Variants in TMEM132B observed in about 807,000 individuals in gnomAD.
The protein encoded by TMEM132B is transmembrane protein 132B.
Under a neutral mutation model 90.8 loss-of-function variants are expected in TMEM132B, and 18 were observed. The observed-to-expected ratio is 0.20, with a 90% CI of 0.14 to 0.29. The LOEUF is 0.29. TMEM132B is among the 10% of genes least tolerant of loss of function. TMEM132B has a pLI of 1.00. For synonymous variants in TMEM132B, 504 were observed against 523.3 expected (o/e 0.96, Z 0.50); for missense variants, 1,096 against 1,326.8 (o/e 0.83, Z 2.70).
intron 4 of TMEM132B, among the ~76,000 whole-genome samples, chr12:125,564,127 A>G (rs1884607477): frequency 6.6e-6 from 1 of 152,266 alleles, no homozygotes; most frequent in Non-Finnish European, 1.5e-5. Context: ...CTGTGAAGAC[A>G]AAAATAGATT....
At chr12:125,494,458 C>T (rs1882466435) in intron 3 of TMEM132B, among the ~76,000 whole-genome samples, 1 of 146,442 alleles carries the variant, frequency 6.8e-6, no homozygotes, top group Non-Finnish European at 1.5e-5. Context: ...CCCCCTCCTC[C>T]CCAAAAATGG....
chr12:125,295,540 G>C (rs1483135062), intron 1 of TMEM132B, among the ~76,000 whole-genome samples: 1 of 147,520 alleles, frequency 6.8e-6, no homozygotes, highest in African/African-American at 2.5e-5. Flanking sequence ...GAGAGAGAGA[G>C]AGACAGAGAC....
chr12:125,619,210 CA>C (rs1156569124), intron 5 of TMEM132B, among the ~76,000 whole-genome samples: 3 of 152,134 alleles, frequency 2.0e-5, no homozygotes, highest in Non-Finnish European at 4.4e-5. Flanking sequence ...TCTCTGTACA[CA>C]AAAATCCAGG....
chr12:125,374,474 G>C (rs1199297163), intron 2 of TMEM132B, among the ~76,000 whole-genome samples: 1 of 151,912 alleles, frequency 6.6e-6, no homozygotes, highest in Non-Finnish European at 1.5e-5. Flanking sequence ...GAAAGTGGCT[G>C]ATTTTAACTA....
At position 125,658,272 on chromosome 12, in the gene TMEM132B, A is replaced by T. The variant is rs182274663; in HGVS notation, c.*3562A>T. ...AGTAATTTTTAACTTGCTAACTTTT[A>T]GAATGTCCACCTTTGTGCATTTTGG... On this transcript the variant is annotated 3_prime_UTR_variant, in exon 9 of 9. Transcript: ENST00000682704. 9.9e-4 allele frequency: 151 copies of T among 152,340 alleles called. 2 individuals carry two copies. Among genetic ancestry groups the T allele is most frequent in the African/African-American group, 3.5e-3 (146 of 41,580 alleles). The allele number at this position is 152,340 out of a possible 1,614,324, so 9.4% of individuals were successfully genotyped here. A position where few individuals can be genotyped will look rare whatever the true frequency, so the allele number is the denominator to read the frequency against.
chr12:125,392,362 T>G (rs1033522401), intron 2 of TMEM132B, among the ~76,000 whole-genome samples: 1 of 152,148 alleles, frequency 6.6e-6, no homozygotes, highest in African/African-American at 2.4e-5. Context: ...GGTCAGGCAC[T>G]GTGCTGTGTC....
chr12:125,566,760 C>A (rs1364095020), intron 4 of TMEM132B, among the ~76,000 whole-genome samples: 2 of 151,402 alleles, frequency 1.3e-5, no homozygotes, highest in East Asian at 1.9e-4. Flanking sequence ...CTGTGGCATG[C>A]AAGATCTAAG....
intron 1 of TMEM132B, among the ~76,000 whole-genome samples, chr12:125,340,101 A>G (rs538341591): frequency 6.6e-6 from 1 of 152,310 alleles, no homozygotes; most frequent in African/African-American, 2.4e-5. Flanking sequence ...CAGAGAGAGA[A>G]ATTATACAAA....
In TMEM132B at chr12:125,451,142, T is replaced by C. The variant is rs181038665; in HGVS notation, c.1106+35465T>C. ...TCCTGTCCTGGGGAAAAAATTGCTA[T>C]AAAGGACATTATTAGGTCAATTGAT... On this transcript the variant is annotated intron_variant, in intron 3 of 8. Transcript: ENST00000682704. Among the ~76,000 whole-genome samples the C allele has an allele frequency of 9.2e-5, 14 of 152,312 alleles. No homozygotes were observed. In the East Asian group the frequency reaches 2.7e-3, roughly 29 times the overall value.
At chr12:125,271,575 TC>T (rs149368558) in intron 1 of TMEM132B, among the ~76,000 whole-genome samples, 9,397 of 152,240 alleles carry the variant, frequency 0.062, 994 homozygotes, top group African/African-American at 0.21. Flanking sequence ...ACTTGGCTTA[TC>T]CTGAGCTATG....
chr12:125,356,900 G>A (rs1877792725), intron 2 of TMEM132B, among the ~76,000 whole-genome samples: 1 of 152,216 alleles, frequency 6.6e-6, no homozygotes, highest in South Asian at 2.1e-4. Flanking sequence ...CTCTTGCCCT[G>A]TCCTGATTTT....
At position 125,258,894 on chromosome 12, in the gene TMEM132B, A is replaced by G. The variant is rs559579542; in HGVS notation, c.67+72028A>G. Among the ~76,000 whole-genome samples, 197 of 152,328 alleles carry G rather than the reference A, an allele frequency of 1.3e-3. 1 individual carries two copies. Among genetic ancestry groups the G allele is most frequent in the Non-Finnish European group, 2.2e-3 (148 of 68,024 alleles). ...CATTTAATCTGAATACTGAATGCGG[A>G]GAAGGAGCCATCCTTGGAAAGATCC... On this transcript the variant is annotated intron_variant, in intron 1 of 8. Coordinates refer to ENST00000682704, the MANE Select transcript of TMEM132B (RefSeq NM_001366854.1).
intron 1 of TMEM132B, among the ~76,000 whole-genome samples, chr12:125,255,028 G>A (rs763982756): frequency 1.3e-5 from 2 of 152,190 alleles, no homozygotes; most frequent in Non-Finnish European, 2.9e-5. Context: ...CGAGGAGGTT[G>A]ACAGGAAGCT....
At chr12:125,322,280 G>T (rs147374034) in intron 1 of TMEM132B, among the ~76,000 whole-genome samples, 2 of 152,248 alleles carry the variant, frequency 1.3e-5, no homozygotes, top group Non-Finnish European at 2.9e-5. Flanking sequence ...CTGCCGCCAT[G>T]TAAGATGTGC....
At chr12:125,543,771 C>T (rs187026217) in intron 4 of TMEM132B, among the ~76,000 whole-genome samples, 1 of 152,298 alleles carries the variant, frequency 6.6e-6, no homozygotes, top group Non-Finnish European at 1.5e-5. Context: ...TTAGTTCAAC[C>T]ATTGTAGAAG....
At chr12:125,300,077 T>C (rs1875782474) in intron 1 of TMEM132B, among the ~76,000 whole-genome samples, 1 of 152,222 alleles carries the variant, frequency 6.6e-6, no homozygotes, top group Non-Finnish European at 1.5e-5. Context: ...GCTTGCTGCC[T>C]GCAACACCTT....
rs141088888 is a variant in TMEM132B, at chr12:125,204,903, A to G, written c.67+18037A>G. Among the ~76,000 whole-genome samples the G allele has an allele frequency of 4.7e-3, 583 of 124,420 alleles. 11 individuals are homozygous for G. The highest frequency in any genetic ancestry group is 7.2e-3 in the African/African-American group (231 of 32,108). The allele number at this position is 124,420 out of a possible 152,430, so 81.6% of individuals were successfully genotyped here. A position where few individuals can be genotyped will look rare whatever the true frequency, so the allele number is the denominator to read the frequency against. On this transcript the variant is annotated intron_variant, in intron 1 of 8. Coordinates refer to ENST00000682704, the MANE Select transcript of TMEM132B (RefSeq NM_001366854.1). Reference sequence around the variant, plus strand: ...CATGAATCCTTTCAATGAGGGCTCCATGTGCCAGGCAGGGTGCTCAGCCCT... The same window carrying G: ...CATGAATCCTTTCAATGAGGGCTCCGTGTGCCAGGCAGGGTGCTCAGCCCT...
intron 1 of TMEM132B, chr12:125,301,894 A>AAAACAAAAC (rs1238242183): frequency 1.3e-5 from 2 of 152,004 alleles, no homozygotes; most frequent in African/African-American, 4.9e-5. Flanking sequence ...AAAACAAAAC[A>AAAACAAAAC]AAACAAAACA....
rs374923861 is a variant in TMEM132B, at chr12:125,398,469, C to T, written c.960-17062C>T. 4.6e-5 allele frequency among the ~76,000 whole-genome samples: 7 copies of T among 152,288 alleles called. No homozygotes were observed. In the South Asian group the frequency reaches 6.2e-4, roughly 14 times the overall value. On this transcript the variant is annotated intron_variant, in intron 2 of 8. Transcript: ENST00000682704. Reference sequence around the variant, plus strand: ...ATGCAGAGAAAAAGCGTAGGGTAAACGCAGTAATTAGTAGCAACCAGCAGT... The same window carrying T: ...ATGCAGAGAAAAAGCGTAGGGTAAATGCAGTAATTAGTAGCAACCAGCAGT...
Sources: allele counts gnomAD v4.1 joint callset (sites outside exome capture counted in the v4.1 genomes callset), GRCh38; gene constraint gnomAD v4.1.1; transcripts MANE v1.5; gene names NCBI Gene and HGNC (gene_info 2026-07-23, HGNC 2026-07-21).